Variants in MTRF1 observed in about 807,000 individuals in gnomAD.
MTRF1 encodes the protein mitochondrial translation release factor 1.
A neutral mutation model predicts 62.9 loss-of-function variants in MTRF1; 51 were observed. That is an observed-to-expected ratio of 0.81 (90% CI 0.65 to 1.02). The LOEUF is 1.02. Among genes scored for constraint, MTRF1 ranks in the 50% least tolerant of loss-of-function variants. MTRF1 has a pLI of 0.00. For synonymous variants in MTRF1, 158 were observed against 181.9 expected (o/e 0.87, Z 1.06); for missense variants, 446 against 530.0 (o/e 0.84, Z 1.56).
chr13:41,296,916 TAA>T, the MTRF1 span, among the ~76,000 whole-genome samples: 1 of 152,220 alleles, frequency 6.6e-6, no homozygotes, highest in Admixed American at 6.5e-5. Flanking sequence ...ATGGCTATTC[TAA>T]GTTTTTATCA....
the MTRF1 span, among the ~76,000 whole-genome samples, chr13:41,277,776 G>A: frequency 6.6e-6 from 1 of 152,104 alleles, no homozygotes; most frequent in Admixed American, 6.6e-5. Flanking sequence ...GTTAGGGAGC[G>A]GGGCTAAAAG....
chr13:41,253,750 ACAGACTGAGAGT>A (rs1160218481), intron 3 of MTRF1, among the ~76,000 whole-genome samples: 1 of 152,232 alleles, frequency 6.6e-6, no homozygotes, highest in Non-Finnish European at 1.5e-5. Context: ...AGAATATGAG[ACAGACTGAGAGT>A]CAGACATCTT....
chr13:41,277,992 A>C, the MTRF1 span, among the ~76,000 whole-genome samples: 3 of 152,358 alleles, frequency 2.0e-5, no homozygotes, highest in East Asian at 5.8e-4. Context: ...CTTACGTCAA[A>C]GGGATATACA....
rs1345256742 is a variant in MTRF1 at position 41,263,478 on chromosome 13, T to G, written c.-9+7A>C. The G allele has an allele frequency of 2.2e-5, 7 of 321,440 alleles. No individual in the cohort carries two copies. The highest frequency in any genetic ancestry group is 1.9e-5 in the Non-Finnish European group (3 of 160,572). The allele number at this position is 321,440 out of a possible 1,614,324, so 19.9% of individuals were successfully genotyped here. A position where few individuals can be genotyped will look rare whatever the true frequency, so the allele number is the denominator to read the frequency against. ...GGCGGGGAAGATCAGGAAAGAACTGTGAGTACCTAAGAAAAAGAAGAATAC... is the reference window on the plus strand; with the variant it reads ...GGCGGGGAAGATCAGGAAAGAACTGGGAGTACCTAAGAAAAAGAAGAATAC... On this transcript the variant is annotated splice_region_variant and intron_variant, in intron 1 of 9. Transcript: ENST00000379480.
At chr13:41,259,712 A>AAAAAAAAAAAAAAAAC (rs1555268029) in intron 2 of MTRF1, among the ~76,000 whole-genome samples, 1 of 136,714 alleles carries the variant, frequency 7.3e-6, no homozygotes, top group African/African-American at 2.8e-5. Context: ...AAAAAAAAAA[A>AAAAAAAAAAAAAAAAC]AAAAAAAAAC....
At chr13:41,301,493 A>C in the MTRF1 span, among the ~76,000 whole-genome samples, 41 of 152,294 alleles carry the variant, frequency 2.7e-4, no homozygotes, top group Non-Finnish European at 7.4e-5. Flanking sequence ...CATACCTGTA[A>C]TGTCAGCACT....
chr13:41,237,103 C>A (rs2036731819), intron 6 of MTRF1, among the ~76,000 whole-genome samples: 1 of 150,542 alleles, frequency 6.6e-6, no homozygotes, highest in South Asian at 2.1e-4. Context: ...CCTGTAGTCC[C>A]AGCTATTCAA....
At chr13:41,264,447 G>A (rs1594099827), upstream of MTRF1, among the ~76,000 whole-genome samples, 1 of 152,278 alleles carries the variant, frequency 6.6e-6, no homozygotes, top group South Asian at 2.1e-4. Context: ...CTTGGCTATC[G>A]CAATTTACAG....
intron 5 of MTRF1, among the ~76,000 whole-genome samples, chr13:41,246,043 C>G (rs2038206125): frequency 1.1e-5 from 1 of 88,030 alleles, no homozygotes. Context: ...ACCTACAGCC[C>G]GAACACTTTA....
At chr13:41,308,262 T>C in the MTRF1 span, among the ~76,000 whole-genome samples, 2 of 152,220 alleles carry the variant, frequency 1.3e-5, no homozygotes, top group Non-Finnish European at 2.9e-5. Context: ...ATATTTACAG[T>C]TGGTACTATG....
At chr13:41,293,298 C>A in the MTRF1 span, among the ~76,000 whole-genome samples, 1 of 152,002 alleles carries the variant, frequency 6.6e-6, no homozygotes, top group African/African-American at 2.4e-5. Flanking sequence ...GTAATTAATC[C>A]TAATGGCTTT....
intron 5 of MTRF1, among the ~76,000 whole-genome samples, chr13:41,251,347 TAAAA>T (rs1309477438): frequency 6.6e-6 from 1 of 152,228 alleles, no homozygotes; most frequent in African/African-American, 2.4e-5. Context: ...ATAATCTCCT[TAAAA>T]TATATATCTT....
intron 7 of MTRF1, 112 bp from the exon 8 acceptor site, chr13:41,226,680 A>G (rs2034487986): frequency 6.3e-6 from 8 of 1,274,866 alleles, no homozygotes; most frequent in Non-Finnish European, 8.8e-6. Context: ...AAAAGATACA[A>G]ACATTTTAGG....
intron 5 of MTRF1, among the ~76,000 whole-genome samples, chr13:41,248,297 T>C (rs1357859060): frequency 6.6e-6 from 1 of 152,232 alleles, no homozygotes; most frequent in Non-Finnish European, 1.5e-5. Flanking sequence ...AATTTTTGTA[T>C]TTTTAGTAGA....
the MTRF1 span, among the ~76,000 whole-genome samples, chr13:41,309,091 G>A: frequency 6.6e-6 from 1 of 152,086 alleles, no homozygotes; most frequent in African/African-American, 2.4e-5. Context: ...ATTCCATGGT[G>A]TACCACATTT....
the MTRF1 span, among the ~76,000 whole-genome samples, chr13:41,297,178 A>T: frequency 6.6e-6 from 1 of 152,322 alleles, no homozygotes; most frequent in South Asian, 2.1e-4. Flanking sequence ...AAATGATTAC[A>T]TAAATTCTTG....
intron 7 of MTRF1, among the ~76,000 whole-genome samples, chr13:41,228,459 AG>A (rs2034880893): frequency 6.6e-6 from 1 of 152,096 alleles, no homozygotes; most frequent in Non-Finnish European, 1.5e-5. Flanking sequence ...CCAGCTACTC[AG>A]GGGGCTGAGG....
At chr13:41,293,228 A>G in the MTRF1 span, among the ~76,000 whole-genome samples, 7 of 152,148 alleles carry the variant, frequency 4.6e-5, no homozygotes, top group Admixed American at 6.5e-5. Flanking sequence ...ACATGGTAAA[A>G]TCTGGCATAG....
intron 5 of MTRF1, among the ~76,000 whole-genome samples, chr13:41,249,295 A>T (rs1045286903): frequency 6.6e-6 from 1 of 152,164 alleles, no homozygotes; most frequent in African/African-American, 2.4e-5. Flanking sequence ...TAATCCCAGT[A>T]CTTTGGGAGG....
Sources: gnomAD v4.1 joint callset for allele counts (sites outside exome capture counted in the v4.1 genomes callset) on GRCh38, gnomAD v4.1.1 for gene constraint, MANE v1.5 for transcripts, NCBI Gene and HGNC (gene_info 2026-07-23, HGNC 2026-07-21) for gene names.